SLCO2A1: variants seen among roughly 807,000 people sequenced by gnomAD.
The protein encoded by SLCO2A1 is matrin F/G 1.
A neutral mutation model predicts 71.7 loss-of-function variants in SLCO2A1; 60 were observed. That is an observed-to-expected ratio of 0.84 (90% confidence interval 0.68 to 1.04). The LOEUF (loss-of-function observed/expected upper bound fraction) is 1.04. Ranked by LOEUF, SLCO2A1 falls within the 50% of genes least tolerant of loss-of-function variation. The pLI is 0.00. For synonymous variants in SLCO2A1, 308 were observed against 326.7 expected (o/e 0.94, Z 0.62); for missense variants, 745 against 813.4 (o/e 0.92, Z 1.02).
In SLCO2A1 at chr3:133,984,288, G is replaced by A. The variant is rs117259192; in HGVS notation, c.97-4670C>T. Among the ~76,000 whole-genome samples the A allele has an allele frequency of 5.6e-4, 86 of 152,222 alleles. No individual in the cohort carries two copies. In the East Asian group the frequency reaches 0.016, roughly 29 times the overall value. On this transcript the variant is annotated intron_variant, in intron 1 of 13. Transcript: ENST00000310926. Reference sequence around the variant, plus strand: ...GGGTGAAAGACTCTAGCCAGAGCTGGCTCCTTTCCACATCCCCCACCCCTT... The same window carrying A: ...GGGTGAAAGACTCTAGCCAGAGCTGACTCCTTTCCACATCCCCCACCCCTT...
At chr3:133,995,383 G>A (rs1029466671) in intron 1 of SLCO2A1, among the ~76,000 whole-genome samples, 3 of 152,024 alleles carry the variant, frequency 2.0e-5, no homozygotes, top group South Asian at 2.1e-4. Context: ...CCCCACCACC[G>A]TGGCTGCCTC....
Position 133,979,494 on chromosome 3 carries a change from G to A in SLCO2A1, c.221C>T (p.Ser74Phe). Residue 74 changes from serine to phenylalanine, a missense_variant, in exon 2 of 14, where the codon TCC (serine) becomes TTC (phenylalanine). By Grantham distance (155) the Ser-to-Phe change is radical. Transcript: ENST00000310926. The part of the protein sequence containing the change: ...GLSSSSSGLI[S>F]SLNEISNAIL... ...CCTCCTGCTCACCTCATTCAAGCTG[G>A]AAATGAGACCCGATGAAGAACTGGA... 6.2e-7 allele frequency: 1 copy of A among 1,614,188 alleles called. No homozygotes were observed. The highest frequency in any genetic ancestry group is 1.1e-5 in the South Asian group (1 of 91,082).
chr3:133,985,364 C>A (rs530888772), intron 1 of SLCO2A1, among the ~76,000 whole-genome samples: 1 of 152,362 alleles, frequency 6.6e-6, no homozygotes, highest in South Asian at 2.1e-4. Context: ...TCCACACACA[C>A]ATCACCACTA....
intron 1 of SLCO2A1, 79 bp downstream of exon 1, chr3:134,029,628 C>T (rs1935780455): frequency 4.0e-6 from 5 of 1,239,930 alleles, no homozygotes; most frequent in African/African-American, 1.5e-5. Context: ...CTCCTGGCTC[C>T]GGCAGACAGA....
At chr3:133,999,558 C>T (rs1576453632) in intron 1 of SLCO2A1, among the ~76,000 whole-genome samples, 2 of 152,226 alleles carry the variant, frequency 1.3e-5, no homozygotes, top group East Asian at 1.9e-4. Context: ...GTGACAGCTA[C>T]TCTCAGGGTG....
intron 1 of SLCO2A1, among the ~76,000 whole-genome samples, chr3:134,017,590 C>T (rs1459727195): frequency 1.3e-5 from 2 of 152,208 alleles, no homozygotes; most frequent in Admixed American, 1.3e-4. Context: ...TCCTGATGGG[C>T]TCATTTGCCC....
chr3:134,027,770 C>T (rs1222766109), intron 1 of SLCO2A1, among the ~76,000 whole-genome samples: 2 of 152,204 alleles, frequency 1.3e-5, no homozygotes, highest in Non-Finnish European at 2.9e-5. Context: ...GTTATTGCCC[C>T]AGGAGGGAAA....
At chr3:133,984,279 C>T (rs1370054967) in intron 1 of SLCO2A1, among the ~76,000 whole-genome samples, 1 of 152,180 alleles carries the variant, frequency 6.6e-6, no homozygotes, top group Non-Finnish European at 1.5e-5. Context: ...AAGACTCTAG[C>T]CAGAGCTGGC....
chr3:133,991,343 C>G (rs1253617015), intron 1 of SLCO2A1, among the ~76,000 whole-genome samples: 2 of 152,200 alleles, frequency 1.3e-5, no homozygotes, highest in Non-Finnish European at 2.9e-5. Context: ...CCCCTCCTGT[C>G]CCTTCTGCAG....
At chr3:133,991,180 G>A (rs1247322316) in intron 1 of SLCO2A1, among the ~76,000 whole-genome samples, 2 of 152,176 alleles carry the variant, frequency 1.3e-5, no homozygotes, top group Non-Finnish European at 2.9e-5. Flanking sequence ...AGGCTTCTAG[G>A]TTGGCTCCTC....
chr3:133,959,462 G>A lies in SLCO2A1; in HGVS notation c.398-4269C>T, dbSNP rs540784973. On this transcript the variant is annotated intron_variant, in intron 3 of 13. Transcript: ENST00000310926. ...TGGAGCAATTAGAACCCTATGCATC[G>A]CTGGTGAGAATGTAAAGTGGTGTAG... Among the ~76,000 whole-genome samples, 7 of 151,122 alleles carry A rather than the reference G, an allele frequency of 4.6e-5. No homozygotes were observed. The East Asian group carries it at 1.2e-3, about 25-fold the overall frequency.
intron 1 of SLCO2A1, among the ~76,000 whole-genome samples, chr3:134,005,144 A>T (rs1177929730): frequency 6.6e-6 from 1 of 152,188 alleles, no homozygotes; most frequent in African/African-American, 2.4e-5. Flanking sequence ...ATTTCCTATT[A>T]GGTTTCTTGT....
chr3:134,025,542 G>A (rs1330630142), intron 1 of SLCO2A1, among the ~76,000 whole-genome samples: 1 of 152,146 alleles, frequency 6.6e-6, no homozygotes, highest in South Asian at 2.1e-4. Flanking sequence ...GGAATAAGCT[G>A]TGGTTCTCTT....
intron 1 of SLCO2A1, among the ~76,000 whole-genome samples, chr3:133,988,169 C>T (rs1934757960): frequency 6.6e-6 from 1 of 152,144 alleles, no homozygotes; most frequent in African/African-American, 2.4e-5. Context: ...GGTGACATGC[C>T]TCATTATACC....
intron 1 of SLCO2A1, among the ~76,000 whole-genome samples, chr3:134,005,786 A>G (rs1033404100): frequency 2.0e-5 from 3 of 152,046 alleles, no homozygotes; most frequent in African/African-American, 4.8e-5. Context: ...CGGCCCATGT[A>G]TTATAATTTT....
chr3:134,005,557 C>A (rs1935195693), intron 1 of SLCO2A1, among the ~76,000 whole-genome samples: 1 of 150,492 alleles, frequency 6.6e-6, no homozygotes, highest in East Asian at 2.0e-4. Flanking sequence ...TCTCGGCTCA[C>A]TGCAACCTCC....
At chr3:133,953,623 G>A (rs200642452) in intron 5 of SLCO2A1, 40 bp downstream of exon 5, 4 of 1,531,034 alleles carry the variant, frequency 2.6e-6, no homozygotes, top group East Asian at 4.5e-5. Context: ...CTGCTTTATT[G>A]AGCTGGGGAT....
chr3:134,028,943 C>T (rs1032876901), intron 1 of SLCO2A1, among the ~76,000 whole-genome samples: 2 of 152,140 alleles, frequency 1.3e-5, no homozygotes, highest in Non-Finnish European at 2.9e-5. Flanking sequence ...CTCATCCTAA[C>T]AGCTGCCAAC....
chr3:133,992,343 C>T (rs2108065151), intron 1 of SLCO2A1, among the ~76,000 whole-genome samples: 1 of 152,272 alleles, frequency 6.6e-6, no homozygotes, highest in Middle Eastern at 3.4e-3. Context: ...ACTGCAGAGG[C>T]ATTGTTTGAA....
Sources: gnomAD v4.1 joint callset for allele counts (sites outside exome capture counted in the v4.1 genomes callset) on GRCh38, gnomAD v4.1.1 for gene constraint, MANE v1.5 for transcripts, NCBI Gene and HGNC (gene_info 2026-07-23, HGNC 2026-07-21) for gene names.